The following GRB10 variants were observed in gnomAD, a reference collection of about 807,000 sequenced individuals.
GRB10 encodes growth factor receptor-bound protein 10.
GRB10 carries 20 observed loss-of-function variants against 80.9 expected under a neutral mutation model. The ratio of observed to expected loss-of-function variants is 0.25; its 90% CI spans 0.17 to 0.36. The LOEUF is 0.36. GRB10 is among the 10% of genes least tolerant of loss of function. GRB10 has a pLI of 1.00. For synonymous variants in GRB10, 291 were observed against 291.5 expected, an observed-to-expected ratio of 1.00 and a Z score of 0.02; for missense variants, 548 against 747.7, an observed-to-expected ratio of 0.73 and a Z score of 3.12.
At chr7:50,627,026 C>T in intron 7 of GRB10, 48 bp from the exon 8 acceptor site, 1 of 1,589,188 alleles carries the variant, frequency 6.3e-7, no homozygotes, top group Non-Finnish European at 8.6e-7. Context: ...TTCGGGCTTT[C>T]AAGAAATAAA....
At chr7:50,734,472 G>A (rs994008802) in intron 3 of GRB10, among the ~76,000 whole-genome samples, 1 of 151,796 alleles carries the variant, frequency 6.6e-6, no homozygotes, top group Non-Finnish European at 1.5e-5. Flanking sequence ...CCCCACGCAC[G>A]CCGCACGCCT....
In GRB10 at chr7:50,620,383, G is replaced by A. The variant is rs116385530; in HGVS notation, c.662-1098C>T. Among the ~76,000 whole-genome samples, 707 of 152,278 alleles carry A rather than the reference G, an allele frequency of 4.6e-3. 6 individuals are homozygous for A. The highest frequency in any genetic ancestry group is 0.016 in the African/African-American group (677 of 41,540). On this transcript the variant is annotated intron_variant, in intron 8 of 18. Transcript: ENST00000401949. ...CTTGGAAGGAAGGAATGAAGTTAAA[G>A]GCAAAAGCATTTCTGAGTCAAAGTG...
intron 17 of GRB10, among the ~76,000 whole-genome samples, chr7:50,599,022 G>A (rs960961839): frequency 1.3e-5 from 2 of 152,150 alleles, no homozygotes; most frequent in Non-Finnish European, 2.9e-5. Context: ...GTTTGGCAGA[G>A]AGGACTACAG....
At chr7:50,676,867 G>A (rs780310463) in intron 5 of GRB10, among the ~76,000 whole-genome samples, 3 of 152,162 alleles carry the variant, frequency 2.0e-5, no homozygotes, top group African/African-American at 4.8e-5. Flanking sequence ...AGATCCTGGT[G>A]AAGACAGACA....
chr7:50,769,816 C>G (rs999958941), intron 2 of GRB10, among the ~76,000 whole-genome samples: 1 of 152,128 alleles, frequency 6.6e-6, no homozygotes, highest in Non-Finnish European at 1.5e-5. Flanking sequence ...AAAAAAAAGC[C>G]AGCCTTCTTA....
chr7:50,692,499 C>G (rs531810099), intron 5 of GRB10, among the ~76,000 whole-genome samples: 1 of 152,134 alleles, frequency 6.6e-6, no homozygotes, highest in Non-Finnish European at 1.5e-5. Context: ...CAAGGCACAG[C>G]AGGAAGACAG....
intron 5 of GRB10, among the ~76,000 whole-genome samples, chr7:50,681,982 T>C (rs1386178903): frequency 6.6e-6 from 1 of 152,196 alleles, no homozygotes; most frequent in South Asian, 2.1e-4. Flanking sequence ...ATCCTGAGTG[T>C]GTCAGGTGAT....
chr7:50,721,961 G>T lies in GRB10; in HGVS notation c.51+10311C>A, dbSNP rs552665778. On this transcript the variant is annotated intron_variant, in intron 4 of 18. Transcript: ENST00000401949. ...AGAAGAAGACAGCGCGTGGAGCGGG[G>T]AGAAGGGAGCAGAGCAGTTCAGTAT... 2.0e-5 allele frequency among the ~76,000 whole-genome samples: 3 copies of T among 152,356 alleles called. No homozygotes were observed. In the East Asian group the frequency reaches 5.8e-4, roughly 29 times the overall value.
rs562607665 is a variant in GRB10, at chr7:50,760,794, A to G, written c.-216-4738T>C. ...GGCACGTGTCTTCACTCCACAATCG[A>G]GCACACAGGATCCCTGGGACTAGAA... On this transcript the variant is annotated intron_variant, in intron 2 of 18. Coordinates refer to ENST00000401949, the MANE Select transcript of GRB10 (RefSeq NM_001350814.2). Among the ~76,000 whole-genome samples, 3 of 152,344 alleles carry G rather than the reference A, an allele frequency of 2.0e-5. No individual in the cohort carries two copies. The East Asian group carries it at 5.8e-4, about 29-fold the overall frequency.
intron 3 of GRB10, among the ~76,000 whole-genome samples, chr7:50,740,036 G>A (rs902157532): frequency 6.6e-6 from 1 of 152,202 alleles, no homozygotes. Context: ...TCATGTGACT[G>A]TGCCACATGA....
intron 5 of GRB10, among the ~76,000 whole-genome samples, chr7:50,699,346 A>G (rs1216289419): frequency 6.6e-6 from 1 of 152,238 alleles, no homozygotes; most frequent in African/African-American, 2.4e-5. Flanking sequence ...ACATGACTCT[A>G]ACAGTTTTCC....
At chr7:50,725,003 C>T (rs1305677172) in intron 4 of GRB10, among the ~76,000 whole-genome samples, 2 of 152,198 alleles carry the variant, frequency 1.3e-5, no homozygotes, top group Non-Finnish European at 2.9e-5. Context: ...TGCCATCTCT[C>T]CTGGAAAAAC....
chr7:50,755,830 CA>C, intron 3 of GRB10, 56 bp downstream of exon 3: 1 of 398,710 alleles, frequency 2.5e-6, no homozygotes, highest in Non-Finnish European at 4.4e-6. Flanking sequence ...CAATACTGAA[CA>C]GGCGACTCTC....
At chr7:50,787,950 G>A (rs1200677281) in intron 1 of GRB10, among the ~76,000 whole-genome samples, 2 of 152,138 alleles carry the variant, frequency 1.3e-5, no homozygotes, top group South Asian at 4.1e-4. Flanking sequence ...GACAATTAGA[G>A]GGCACTGAAC....
At chr7:50,734,424 G>A (rs1320712551) in intron 3 of GRB10, among the ~76,000 whole-genome samples, 5 of 151,026 alleles carry the variant, frequency 3.3e-5, no homozygotes, top group African/African-American at 1.2e-4. Context: ...TGCCCGCTGG[G>A]TGACAGTTCT....
upstream of GRB10, among the ~76,000 whole-genome samples, chr7:50,784,792 A>G: frequency 6.6e-6 from 1 of 152,248 alleles, no homozygotes; most frequent in East Asian, 1.9e-4. Context: ...TAAGCTGGAA[A>G]GTGGAGATGA....
chr7:50,770,690 G>A (rs1269079963), intron 2 of GRB10, among the ~76,000 whole-genome samples: 1 of 152,006 alleles, frequency 6.6e-6, no homozygotes, highest in African/African-American at 2.4e-5. Context: ...GGGGATGGGG[G>A]GATCCAACTA....
chr7:50,772,358 T>G (rs771827106), intron 2 of GRB10, among the ~76,000 whole-genome samples: 13 of 152,204 alleles, frequency 8.5e-5, no homozygotes, highest in Non-Finnish European at 8.8e-5. Flanking sequence ...GACCACATTC[T>G]CGATGCAAGA....
intron 7 of GRB10, among the ~76,000 whole-genome samples, chr7:50,651,590 A>T (rs2058014272): frequency 6.6e-6 from 1 of 152,204 alleles, no homozygotes; most frequent in Non-Finnish European, 1.5e-5. Context: ...CTAGGACTTC[A>T]ACTTATGTAT....
Sources: gnomAD v4.1 joint callset for allele counts (sites outside exome capture counted in the v4.1 genomes callset) on GRCh38, gnomAD v4.1.1 for gene constraint, MANE v1.5 for transcripts, NCBI Gene and HGNC (gene_info 2026-07-23, HGNC 2026-07-21) for gene names.